The following NEDD4 variants were observed in gnomAD, a reference collection of about 807,000 sequenced individuals.
NEDD4 encodes the protein NEDD4 E3 ubiquitin protein ligase.
In NEDD4, 99 loss-of-function variants were observed where a neutral mutation model predicts 144.9. That is an observed-to-expected ratio of 0.68 (90% CI 0.58 to 0.81). The LOEUF (loss-of-function observed/expected upper bound fraction) is 0.81. Among genes scored for constraint, NEDD4 ranks in the 30% least tolerant of loss-of-function variants. The probability of loss-of-function intolerance (pLI) is 0.00; values close to 1 mark genes in which losing one functional copy is unlikely to be tolerated. For synonymous variants in NEDD4, 318 were observed against 350.6 expected, an observed-to-expected ratio of 0.91 and a Z score of 1.04; for missense variants, 985 against 1,065.9, an observed-to-expected ratio of 0.92 and a Z score of 1.06.
chr15:55,941,293 C>G (rs1226868355), intron 4 of NEDD4, among the ~76,000 whole-genome samples: 1 of 152,016 alleles, frequency 6.6e-6, no homozygotes. Flanking sequence ...AAGCTTAGAT[C>G]ATTGATTTTG....
chr15:55,960,246 G>C (rs1472574491), intron 2 of NEDD4, among the ~76,000 whole-genome samples: 1 of 152,126 alleles, frequency 6.6e-6, no homozygotes, highest in Non-Finnish European at 1.5e-5. Flanking sequence ...TGTCTGTGAG[G>C]GTGTTGCCAA....
In NEDD4 at chr15:55,828,111, T is replaced by C. The variant is rs1471171848; in HGVS notation, c.*1786A>G. 6.6e-6 allele frequency: 1 copy of C among 152,194 alleles called. No homozygotes were observed. Among genetic ancestry groups the C allele is most frequent in the Non-Finnish European group, 1.5e-5 (1 of 68,036 alleles). 9.4% of individuals were successfully genotyped at this position (152,194 alleles called of 1,614,324 possible). On this transcript the variant is annotated 3_prime_UTR_variant, in exon 29 of 29. Transcript: ENST00000435532. ...TGGTGAAGACAAAACGCAGGGTACA[T>C]TAATCTGTGAATTGCTTCCCCTAAA...
intron 4 of NEDD4, among the ~76,000 whole-genome samples, chr15:55,931,697 G>A (rs1400198711): frequency 6.6e-6 from 1 of 152,168 alleles, no homozygotes; most frequent in Admixed American, 6.5e-5. Flanking sequence ...CAATATTCTT[G>A]AAAATTCTGC....
chr15:55,878,033 A>G (rs1393204605), intron 5 of NEDD4, among the ~76,000 whole-genome samples: 4 of 152,150 alleles, frequency 2.6e-5, no homozygotes, highest in African/African-American at 9.7e-5. Flanking sequence ...TGTCCAGAGA[A>G]CCCTGATAAA....
chr15:55,850,519 A>T (rs374901705), intron 14 of NEDD4, 23 bp downstream of exon 14: 12 of 1,607,862 alleles, frequency 7.5e-6, no homozygotes, highest in Non-Finnish European at 1.0e-5. Flanking sequence ...TTATAAATTT[A>T]AATGGAAAAG....
At chr15:55,932,499 A>C (rs1248227682) in intron 4 of NEDD4, among the ~76,000 whole-genome samples, 1 of 152,164 alleles carries the variant, frequency 6.6e-6, no homozygotes, top group Non-Finnish European at 1.5e-5. Context: ...CCTTCCTTAC[A>C]CCTTATACGA....
At chr15:55,924,477 A>G (rs1404027211) in intron 5 of NEDD4, 169 bp downstream of exon 5, 1 of 590,874 alleles carries the variant, frequency 1.7e-6, no homozygotes, top group Non-Finnish European at 3.0e-6. Flanking sequence ...GGGAGCGAGT[A>G]GGACCAGGAG....
At chr15:55,863,523 T>C in intron 8 of NEDD4, among the ~76,000 whole-genome samples, 1 of 152,188 alleles carries the variant, frequency 6.6e-6, no homozygotes, top group Admixed American at 6.5e-5. Context: ...TGTAAGTATA[T>C]ATCAAAACAT....
At chr15:55,955,235 A>T (rs923798665) in intron 2 of NEDD4, among the ~76,000 whole-genome samples, 2 of 151,254 alleles carry the variant, frequency 1.3e-5, no homozygotes, top group Non-Finnish European at 3.0e-5. Context: ...GTTGCCCAAG[A>T]TGGTCTCAAA....
intron 14 of NEDD4, 97 bp from the exon 15 acceptor site, chr15:55,848,983 A>G (rs2033869519): frequency 1.1e-6 from 1 of 914,246 alleles, no homozygotes; most frequent in Admixed American, 2.0e-5. Flanking sequence ...GGATATTTAA[A>G]ATATTCTCTT....
rs561461131 is a variant in NEDD4, at chr15:55,860,781, A to G, written c.675-3T>C. The stretch of plus-strand genomic sequence containing the variant: ...TCTCAGCATCTGTTAGGTTGTCCCT[A>G]TATTGGAAGTATAAAAAGCCATCAT... On this transcript the variant is annotated splice_region_variant and splice_polypyrimidine_tract_variant and intron_variant, in intron 9 of 28. Coordinates refer to ENST00000435532, the MANE Select transcript of NEDD4 (RefSeq NM_006154.4). The G allele has an allele frequency of 1.9e-6, 3 of 1,612,474 alleles. No individual in the cohort carries two copies. Among genetic ancestry groups the G allele is most frequent in the South Asian group, 2.2e-5 (2 of 90,882 alleles).
intron 9 of NEDD4, among the ~76,000 whole-genome samples, chr15:55,862,658 T>C: frequency 6.6e-6 from 1 of 152,116 alleles, no homozygotes; most frequent in East Asian, 1.9e-4. Context: ...CTACATAAAA[T>C]TAAAAACCTA....
intron 12 of NEDD4, among the ~76,000 whole-genome samples, chr15:55,854,124 G>C (rs1380331898): frequency 6.6e-6 from 1 of 151,982 alleles, no homozygotes; most frequent in African/African-American, 2.4e-5. Flanking sequence ...ACTCCAGCCT[G>C]GACAACAGAG....
intron 24 of NEDD4, among the ~76,000 whole-genome samples, chr15:55,836,889 G>C (rs1287302281): frequency 1.3e-5 from 2 of 151,874 alleles, no homozygotes; most frequent in African/African-American, 4.8e-5. Context: ...GAACTCCTGG[G>C]CTCAAGCAAT....
At chr15:55,864,472 G>C (rs866093439) in intron 8 of NEDD4, among the ~76,000 whole-genome samples, 1 of 151,826 alleles carries the variant, frequency 6.6e-6, no homozygotes, top group Non-Finnish European at 1.5e-5. Flanking sequence ...ACTTGAAGTA[G>C]GGAGTTTGAG....
chr15:55,973,928 G>A (rs186366756), intron 1 of NEDD4, among the ~76,000 whole-genome samples: 1 of 150,546 alleles, frequency 6.6e-6, no homozygotes, highest in Non-Finnish European at 1.5e-5. Flanking sequence ...AAATAATAAA[G>A]ATCAGAGCAG....
intron 5 of NEDD4, among the ~76,000 whole-genome samples, chr15:55,891,731 A>T (rs1256929856): frequency 1.3e-5 from 2 of 152,212 alleles, no homozygotes; most frequent in Admixed American, 6.5e-5. Context: ...CAGTTTCTTA[A>T]AACAATTTTT....
At chr15:55,923,538 T>C (rs1376140526) in intron 5 of NEDD4, among the ~76,000 whole-genome samples, 2 of 151,040 alleles carry the variant, frequency 1.3e-5, no homozygotes, top group South Asian at 2.1e-4. Context: ...TCCCAGCTAC[T>C]AGGGAGGCTA....
chr15:55,942,888 C>T (rs546657666), intron 4 of NEDD4, among the ~76,000 whole-genome samples: 1 of 152,070 alleles, frequency 6.6e-6, no homozygotes, highest in Non-Finnish European at 1.5e-5. Context: ...ATGGTTGTGA[C>T]CAAAATGCTG....
Sources: allele counts gnomAD v4.1 joint callset (sites outside exome capture counted in the v4.1 genomes callset), GRCh38; gene constraint gnomAD v4.1.1; transcripts MANE v1.5; gene names NCBI Gene and HGNC (gene_info 2026-07-23, HGNC 2026-07-21).